The following MYOZ2 variants were observed in gnomAD, a reference collection of about 807,000 sequenced individuals.
MYOZ2 encodes myozenin-2.
MYOZ2 carries 19 observed loss-of-function variants against 25.4 expected under a neutral mutation model. The observed-to-expected ratio is 0.75, with a 90% CI of 0.52 to 1.10. MYOZ2 has a LOEUF of 1.10. Ranked by LOEUF, MYOZ2 falls within the 50% of genes least tolerant of loss-of-function variation. The pLI, the probability that MYOZ2 is intolerant of heterozygous loss-of-function variation, is 0.00. For synonymous variants in MYOZ2, 92 were observed against 106.9 expected (o/e 0.86, Z 0.86); for missense variants, 270 against 317.9 (o/e 0.85, Z 1.15).
intron 5 of MYOZ2, among the ~76,000 whole-genome samples, chr4:119,169,628 G>C (rs1741906000): frequency 6.6e-6 from 1 of 152,198 alleles, no homozygotes; most frequent in Non-Finnish European, 1.5e-5. Flanking sequence ...GGCACCTGTT[G>C]ATTCATCAGC....
Position 119,186,254 on chromosome 4 carries a change from C to G in MYOZ2, c.*54C>G. ...TCTGAATATAAAAGTTGCTGTTCTA[C>G]TATTTTAACTACTGGCAAAGCCACT... On this transcript the variant is annotated 3_prime_UTR_variant, in exon 6 of 6. Coordinates refer to ENST00000307128, the MANE Select transcript of MYOZ2 (RefSeq NM_016599.5). 1 of 1,429,552 alleles carries G rather than the reference C, an allele frequency of 7.0e-7. No individual in the cohort carries two copies. The highest frequency in any genetic ancestry group is 9.8e-7 in the Non-Finnish European group (1 of 1,022,704). The allele number at this position is 1,429,552 out of a possible 1,614,324, so 88.6% of individuals were successfully genotyped here.
intron 2 of MYOZ2, among the ~76,000 whole-genome samples, chr4:119,140,845 A>G (rs1271656002): frequency 6.6e-6 from 1 of 152,208 alleles, no homozygotes; most frequent in Non-Finnish European, 1.5e-5. Context: ...TTTATTAATG[A>G]CAAATTTTTG....
intron 5 of MYOZ2, among the ~76,000 whole-genome samples, chr4:119,183,255 G>A (rs1453338440): frequency 6.6e-6 from 1 of 152,062 alleles, no homozygotes; most frequent in African/African-American, 2.4e-5. Flanking sequence ...TATAAAATAG[G>A]ATCGCAGGGG....
chr4:119,136,896 T>G (rs1228260330), intron 2 of MYOZ2, among the ~76,000 whole-genome samples: 1 of 143,674 alleles, frequency 7.0e-6, no homozygotes, highest in Non-Finnish European at 1.5e-5. Flanking sequence ...AAGATCACTC[T>G]CGATTCTTTT....
Position 119,136,602 on chromosome 4 carries a change from G to C in MYOZ2, c.76+1G>C. On this transcript the variant is annotated splice_donor_variant, in intron 2 of 5. Coordinates refer to ENST00000307128, the MANE Select transcript of MYOZ2 (RefSeq NM_016599.5). LOFTEE classifies it high-confidence loss of function. ...ATCATGAAGGAAGTCCATGGAAATG[G>C]TATCAATAAAAATCCTTCGTAGCAT... is the stretch of plus-strand genomic sequence containing the variant. The C allele has an allele frequency of 6.2e-7, 1 of 1,612,480 alleles. No homozygotes were observed. Among genetic ancestry groups the C allele is most frequent in the Non-Finnish European group, 8.5e-7 (1 of 1,178,752 alleles).
In MYOZ2 at chr4:119,151,038, A is replaced by G; in HGVS notation, c.243A>G (p.Ile81Met). Residue 81 changes from isoleucine (I) to methionine (M), a missense_variant, in exon 3 of 6, where the codon ATA (isoleucine) becomes ATG (methionine). Ile to Met is a conservative substitution (Grantham distance 10). Coordinates refer to ENST00000307128, the MANE Select transcript of MYOZ2 (RefSeq NM_016599.5). ...ENFQYQSRAQ[I>M]NHSIAMQNGK... ...TCCAGTATCAATCTAGAGCACAAAT[A>G]AATGTAGGTATAACTTGAACAGGTA... 6.2e-7 allele frequency: 1 copy of G among 1,608,254 alleles called. No individual in the cohort carries two copies.
chr4:119,183,156 T>C (rs1578372932), intron 5 of MYOZ2, among the ~76,000 whole-genome samples: 1 of 152,188 alleles, frequency 6.6e-6, no homozygotes, highest in East Asian at 1.9e-4. Flanking sequence ...TGTAACGAAT[T>C]ACAAAGATAC....
intron 4 of MYOZ2, among the ~76,000 whole-genome samples, chr4:119,159,540 A>T (rs993072499): frequency 2.6e-5 from 4 of 152,202 alleles, no homozygotes; most frequent in African/African-American, 9.6e-5. Context: ...ACAACTTTTC[A>T]AAGTAACCTA....
chr4:119,175,047 A>G (rs1003607145), intron 5 of MYOZ2, among the ~76,000 whole-genome samples: 1 of 152,110 alleles, frequency 6.6e-6, no homozygotes, highest in Non-Finnish European at 1.5e-5. Flanking sequence ...ATCAGAAGGA[A>G]CAAACTCCAG....
chr4:119,147,782 C>T (rs958938705), intron 2 of MYOZ2, among the ~76,000 whole-genome samples: 1 of 150,120 alleles, frequency 6.7e-6, no homozygotes, highest in African/African-American at 2.4e-5. Context: ...TTTTTATCCT[C>T]TCCTGTTTAT....
chr4:119,169,958 A>G (rs1430360923), intron 5 of MYOZ2, among the ~76,000 whole-genome samples: 1 of 152,196 alleles, frequency 6.6e-6, no homozygotes, highest in African/African-American at 2.4e-5. Context: ...AAATCATCCT[A>G]CAGGTTTTTT....
At chr4:119,150,556 A>G (rs967146207) in intron 2 of MYOZ2, among the ~76,000 whole-genome samples, 1 of 151,920 alleles carries the variant, frequency 6.6e-6, no homozygotes. Flanking sequence ...GCTATTTGCA[A>G]GCTCATTCTA....
chr4:119,152,182 T>C (rs1741468206), intron 3 of MYOZ2, among the ~76,000 whole-genome samples: 1 of 111,416 alleles, frequency 9.0e-6, no homozygotes, highest in South Asian at 3.6e-4. Context: ...CAAATCTTAC[T>C]CAACTATAGT....
rs117395036 is a variant in MYOZ2 at position 119,169,225 on chromosome 4, G to T, written c.560+4831G>T. The stretch of plus-strand genomic sequence containing the variant: ...TCTTAAGGACACAATGCTATAGATA[G>T]TTGATGGACTACAATACAGTGTAAA... On this transcript the variant is annotated intron_variant, in intron 5 of 5. Coordinates refer to ENST00000307128, the MANE Select transcript of MYOZ2 (RefSeq NM_016599.5). Among the ~76,000 whole-genome samples the T allele has an allele frequency of 7.2e-5, 11 of 152,326 alleles. No individual in the cohort carries two copies. The East Asian group carries it at 2.1e-3, about 29-fold the overall frequency.
chr4:119,150,116 T>C (rs1161919792), intron 2 of MYOZ2, among the ~76,000 whole-genome samples: 9 of 152,162 alleles, frequency 5.9e-5, no homozygotes, highest in Non-Finnish European at 1.2e-4. Flanking sequence ...AAAAACTGTT[T>C]AGTAAAAGAA....
At position 119,137,684 on chromosome 4, in the gene MYOZ2, A is replaced by G. The variant is rs10003519; in HGVS notation, c.76+1083A>G. ...ATACAGAACCACTGTACTGGATTCAACTTGGTTCTCATGTTTTACTGTAAT... is the reference window on the plus strand; with the variant it reads ...ATACAGAACCACTGTACTGGATTCAGCTTGGTTCTCATGTTTTACTGTAAT... On this transcript the variant is annotated intron_variant, in intron 2 of 5. Transcript: ENST00000307128. 9.4e-4 allele frequency among the ~76,000 whole-genome samples: 143 copies of G among 152,308 alleles called. 1 individual carries two copies. The highest frequency in any genetic ancestry group is 3.3e-3 in the African/African-American group (139 of 41,568).
chr4:119,173,936 G>A (rs1238950719), intron 5 of MYOZ2, among the ~76,000 whole-genome samples: 3 of 152,348 alleles, frequency 2.0e-5, no homozygotes, highest in East Asian at 1.9e-4. Context: ...TCGGGCCAGC[G>A]GCGGTGGGGG....
intron 2 of MYOZ2, among the ~76,000 whole-genome samples, chr4:119,145,550 T>TGTGTG (rs1561104817): frequency 0.069 from 7,027 of 102,576 alleles, 241 homozygotes; most frequent in Middle Eastern, 0.14. Flanking sequence ...GTGTGTGTGT[T>TGTGTG]TTTGGTAGAG....
intron 5 of MYOZ2, among the ~76,000 whole-genome samples, chr4:119,169,649 G>A (rs1211793178): frequency 1.3e-5 from 2 of 152,180 alleles, no homozygotes; most frequent in African/African-American, 4.8e-5. Flanking sequence ...AGCACTAAAA[G>A]GCTAAAAAGC....
Sources: gnomAD v4.1 joint callset for allele counts (sites outside exome capture counted in the v4.1 genomes callset) on GRCh38, gnomAD v4.1.1 for gene constraint, MANE v1.5 for transcripts, NCBI Gene and HGNC (gene_info 2026-07-23, HGNC 2026-07-21) for gene names.